Variants in PDE7B observed in about 807,000 individuals in gnomAD.
PDE7B encodes phosphodiesterase 7B.
PDE7B carries 29 observed loss-of-function variants against 56.2 expected under a neutral mutation model. The ratio of observed to expected loss-of-function variants is 0.52; its 90% CI spans 0.38 to 0.70. PDE7B has a LOEUF of 0.70. PDE7B is among the 30% of genes least tolerant of loss of function. PDE7B has a pLI of 0.00. For synonymous variants in PDE7B, 197 were observed against 196.9 expected, an observed-to-expected ratio of 1.00 and a Z score of 0.00; for missense variants, 490 against 565.0, an observed-to-expected ratio of 0.87 and a Z score of 1.35.
chr6:135,906,813 T>TTTTTTTTTTTTTTTTTTTTG lies in PDE7B; in HGVS notation c.22-40632_22-40631insGTTTTTTTTTTTTTTTTTTT, dbSNP rs1562434056. 8.3e-3 allele frequency among the ~76,000 whole-genome samples: 907 copies of TTTTTTTTTTTTTTTTTTTTG among 109,104 alleles called. 25 individuals carry two copies. Among genetic ancestry groups the TTTTTTTTTTTTTTTTTTTTG allele is most frequent in the African/African-American group, 0.018 (354 of 19,266 alleles). The allele number at this position is 109,104 out of a possible 152,430, so 71.6% of individuals were successfully genotyped here. Reference sequence around the variant, plus strand: ...GACTCAAATGTTAATGAGGTTTGTTTTTTTTTTTTTTTTTTTTTTTTTTAA... The same window carrying TTTTTTTTTTTTTTTTTTTTG: ...GACTCAAATGTTAATGAGGTTTGTTTTTTTTTTTTTTTTTTTTTTGTTTTTTTTTTTTTTTTTTTTTTTAA... On this transcript the variant is annotated intron_variant, in intron 1 of 12. Coordinates refer to ENST00000308191, the MANE Select transcript of PDE7B (RefSeq NM_018945.4).
chr6:135,933,674 TCTC>T (rs1397323712), intron 1 of PDE7B, among the ~76,000 whole-genome samples: 1 of 152,186 alleles, frequency 6.6e-6, no homozygotes, highest in Non-Finnish European at 1.5e-5. Flanking sequence ...TAAGCAAAAA[TCTC>T]CTAGTTTGCT....
intron 7 of PDE7B, 53 bp from the exon 8 acceptor site, chr6:136,155,574 G>A (rs1180685447): frequency 6.0e-6 from 9 of 1,505,656 alleles, no homozygotes; most frequent in Non-Finnish European, 4.5e-6. Flanking sequence ...AAATGATTAT[G>A]AGCCTATTTG....
chr6:135,934,734 A>AT (rs1774359759), intron 1 of PDE7B, among the ~76,000 whole-genome samples: 1 of 81,408 alleles, frequency 1.2e-5, no homozygotes, highest in South Asian at 4.4e-4. Context: ...TGTCTCAAAA[A>AT]AAAAAATATA....
At chr6:136,106,583 G>T (rs188072443) in intron 2 of PDE7B, among the ~76,000 whole-genome samples, 1 of 152,268 alleles carries the variant, frequency 6.6e-6, no homozygotes, top group East Asian at 1.9e-4. Flanking sequence ...GCCCTTAACT[G>T]GGACTACAGA....
rs546461719 is a variant in PDE7B, at chr6:136,008,572, C to T, written c.82+61048C>T. On this transcript the variant is annotated intron_variant, in intron 2 of 12. Coordinates refer to ENST00000308191, the MANE Select transcript of PDE7B (RefSeq NM_018945.4). ...CTCATTGTGGTTTTGATTTCCATTT[C>T]TCTGATGGCCAGTGAGGATGAGCAT... 1.2e-4 allele frequency among the ~76,000 whole-genome samples: 18 copies of T among 152,312 alleles called. No homozygotes were observed. The East Asian group carries it at 3.1e-3, about 26-fold the overall frequency.
intron 1 of PDE7B, among the ~76,000 whole-genome samples, chr6:135,925,234 G>A (rs1774163256): frequency 6.6e-6 from 1 of 152,082 alleles, no homozygotes. Context: ...GAAAGAGTCA[G>A]TAACAGGGTC....
chr6:135,946,540 A>C (rs1774598185), intron 1 of PDE7B, among the ~76,000 whole-genome samples: 1 of 152,100 alleles, frequency 6.6e-6, no homozygotes, highest in African/African-American at 2.4e-5. Flanking sequence ...GAGAGTATCC[A>C]TTTCTCTACA....
At chr6:136,116,284 C>A (rs931259952) in intron 3 of PDE7B, among the ~76,000 whole-genome samples, 3 of 152,054 alleles carry the variant, frequency 2.0e-5, no homozygotes, top group African/African-American at 7.2e-5. Flanking sequence ...CAAAAAGTAG[C>A]AAATAAAGTT....
At chr6:135,857,024 TCCTC>T (rs57985628) in intron 1 of PDE7B, among the ~76,000 whole-genome samples, 98 of 127,590 alleles carry the variant, frequency 7.7e-4, no homozygotes, top group South Asian at 7.1e-3. Flanking sequence ...TTACTCCTTT[TCCTC>T]CCTCCCTCCC....
intron 1 of PDE7B, among the ~76,000 whole-genome samples, chr6:135,937,928 T>A (rs796100661): frequency 1.3e-4 from 20 of 152,352 alleles, no homozygotes; most frequent in African/African-American, 4.6e-4. Context: ...TGCTTCTACC[T>A]TCTTCCTTCC....
chr6:135,873,506 T>G (rs976318280), intron 1 of PDE7B, among the ~76,000 whole-genome samples: 1 of 152,178 alleles, frequency 6.6e-6, no homozygotes, highest in African/African-American at 2.4e-5. Context: ...TTTAATATAG[T>G]ATGATGTAGT....
chr6:135,992,666 A>G (rs967302971), intron 2 of PDE7B, among the ~76,000 whole-genome samples: 2 of 152,212 alleles, frequency 1.3e-5, no homozygotes, highest in African/African-American at 4.8e-5. Flanking sequence ...GTTTATATTC[A>G]GGATAAATGA....
At chr6:136,170,129 G>A (rs1184175621) in intron 8 of PDE7B, among the ~76,000 whole-genome samples, 1 of 152,146 alleles carries the variant, frequency 6.6e-6, no homozygotes, top group Non-Finnish European at 1.5e-5. Context: ...ACTAACAAGA[G>A]ATTCTCCTTC....
intron 2 of PDE7B, among the ~76,000 whole-genome samples, chr6:135,970,217 G>T (rs142327147): frequency 1.3e-5 from 2 of 152,264 alleles, no homozygotes. Flanking sequence ...AATCATTTCA[G>T]GTCGTGATAC....
At chr6:135,918,480 AC>A (rs1774001208) in intron 1 of PDE7B, among the ~76,000 whole-genome samples, 2 of 152,192 alleles carry the variant, frequency 1.3e-5, no homozygotes, top group African/African-American at 4.8e-5. Flanking sequence ...TTTATCTTTC[AC>A]ATCTGGTGTC....
At chr6:136,019,676 A>G (rs1052968406) in intron 2 of PDE7B, among the ~76,000 whole-genome samples, 2 of 152,208 alleles carry the variant, frequency 1.3e-5, no homozygotes, top group African/African-American at 4.8e-5. Context: ...AACTACTAAT[A>G]GCCTATTTTG....
chr6:136,194,969 G>A lies in PDE7B; in HGVS notation c.*3129G>A, dbSNP rs1034478856. 6 of 152,154 alleles carry A rather than the reference G, an allele frequency of 3.9e-5. No individual in the cohort carries two copies. Among genetic ancestry groups the A allele is most frequent in the African/African-American group, 1.2e-4 (5 of 41,416 alleles). 9.4% of individuals were successfully genotyped at this position (152,154 alleles called of 1,614,324 possible). ...TACAATCTTGTTCTCCTTGTCCATG[G>A]ACCATCAATAGTTGACTTGCCAGGT... On this transcript the variant is annotated 3_prime_UTR_variant, in exon 13 of 13. Coordinates refer to ENST00000308191, the MANE Select transcript of PDE7B (RefSeq NM_018945.4).
chr6:136,144,340 A>G (rs1332743030), intron 3 of PDE7B, among the ~76,000 whole-genome samples: 1 of 152,168 alleles, frequency 6.6e-6, no homozygotes, highest in Non-Finnish European at 1.5e-5. Context: ...CTTACTGCAC[A>G]CATTTTTGCT....
intron 3 of PDE7B, among the ~76,000 whole-genome samples, chr6:136,129,386 G>T (rs912380333): frequency 6.6e-6 from 1 of 152,256 alleles, no homozygotes; most frequent in Middle Eastern, 3.4e-3. Flanking sequence ...GCTCCTGGAG[G>T]TCCCAACCCC....
Sources: allele counts gnomAD v4.1 joint callset (sites outside exome capture counted in the v4.1 genomes callset), GRCh38; gene constraint gnomAD v4.1.1; transcripts MANE v1.5; gene names NCBI Gene and HGNC (gene_info 2026-07-23, HGNC 2026-07-21).